NMT2: variants seen among roughly 807,000 people sequenced by gnomAD.
The protein encoded by NMT2 is N-myristoyltransferase 2.
In NMT2, 35 loss-of-function variants were observed where a neutral mutation model predicts 65.4. That is an observed-to-expected ratio of 0.54 (90% CI 0.41 to 0.71). The LOEUF is 0.71. Among genes scored for constraint, NMT2 ranks in the 30% least tolerant of loss-of-function variants. The pLI, the probability that NMT2 is intolerant of heterozygous loss-of-function variation, is 0.00. For synonymous variants in NMT2, 226 were observed against 231.8 expected, an observed-to-expected ratio of 0.98 and a Z score of 0.23; for missense variants, 489 against 611.3, an observed-to-expected ratio of 0.80 and a Z score of 2.11.
intron 1 of NMT2, among the ~76,000 whole-genome samples, chr10:15,151,212 C>A (rs867898757): frequency 6.6e-6 from 1 of 152,120 alleles, no homozygotes; most frequent in African/African-American, 2.4e-5. Context: ...GCATGCGCCA[C>A]CATGCTGGCT....
At chr10:15,150,532 T>C (rs902764771) in intron 1 of NMT2, among the ~76,000 whole-genome samples, 50 of 152,280 alleles carry the variant, frequency 3.3e-4, no homozygotes, top group Non-Finnish European at 6.9e-4. Flanking sequence ...CTTCAACCCA[T>C]ACTTAGTGTG....
intron 3 of NMT2, among the ~76,000 whole-genome samples, chr10:15,134,709 C>T (rs534830725): frequency 6.6e-5 from 10 of 152,194 alleles, no homozygotes; most frequent in East Asian, 1.9e-4. Flanking sequence ...GGGCTAGGTG[C>T]GGTGGCTCAC....
rs1845417875 is a variant in NMT2 at position 15,109,144 on chromosome 10, T to C, written c.*51A>G. On this transcript the variant is annotated 3_prime_UTR_variant, in exon 12 of 12. Transcript: ENST00000378165. The stretch of plus-strand genomic sequence containing the variant: ...TTTGGAATGGCAGTTCCAGAAATCA[T>C]TAAATATTAACAAATGATGATGTCA... 6.3e-7 allele frequency: 1 copy of C among 1,596,016 alleles called. No homozygotes were observed. Among genetic ancestry groups the C allele is most frequent in the Non-Finnish European group, 8.5e-7 (1 of 1,174,802 alleles).
At position 15,136,303 on chromosome 10, in the gene NMT2, GGA is replaced by G. The variant is rs898586759; in HGVS notation, c.247-887_247-886del. ...AGGGAAAGGAGGGAGAGAGAGAGAA[GGA>G]GAGAGAAAGAGAAAGGGAGAGAGAC... On this transcript the variant is annotated intron_variant, in intron 2 of 11. Transcript: ENST00000378165. Among the ~76,000 whole-genome samples the G allele has an allele frequency of 2.3e-4, 33 of 146,540 alleles. 1 individual carries two copies. Among genetic ancestry groups the G allele is most frequent in the Non-Finnish European group, 5.0e-4 (33 of 66,484 alleles).
chr10:15,111,100 G>C (rs1845497355), intron 10 of NMT2, among the ~76,000 whole-genome samples: 1 of 151,994 alleles, frequency 6.6e-6, no homozygotes, highest in Admixed American at 6.5e-5. Context: ...CCTCGTTCTT[G>C]TTTTAGAAGG....
chr10:15,119,317 C>G, intron 9 of NMT2, 26 bp downstream of exon 9: 2 of 1,609,450 alleles, frequency 1.2e-6, no homozygotes, highest in Non-Finnish European at 1.7e-6. Context: ...CAAGGAGAAG[C>G]TTTATGTTTA....
chr10:15,112,780 G>C lies in NMT2; in HGVS notation c.1338+16C>G. On this transcript the variant is annotated intron_variant, in intron 10 of 11. Transcript: ENST00000378165. ...TTTGGAGAACCAAACGGCGTGAACA[G>C]GAAGGAGTGGCTTACCGATTTAGCC... The C allele has an allele frequency of 1.2e-6, 2 of 1,602,326 alleles. No homozygotes were observed. Among genetic ancestry groups the C allele is most frequent in the South Asian group, 2.2e-5 (2 of 90,122 alleles).
At chr10:15,112,175 T>A (rs541842173) in intron 10 of NMT2, among the ~76,000 whole-genome samples, 105 of 6,810 alleles carry the variant, frequency 0.015, 2 homozygotes, top group Admixed American at 0.05. Flanking sequence ...ATATGGGCTT[T>A]ATATATATAT....
chr10:15,162,805 A>G (rs1268171654), intron 1 of NMT2, among the ~76,000 whole-genome samples: 1 of 147,638 alleles, frequency 6.8e-6, no homozygotes, highest in Non-Finnish European at 1.5e-5. Context: ...TATGTATTTG[A>G]TATTATATAT....
At chr10:15,135,232 C>G (rs1846437789) in intron 3 of NMT2, 42 bp downstream of exon 3, 1 of 1,602,162 alleles carries the variant, frequency 6.2e-7, no homozygotes, top group African/African-American at 1.3e-5. Context: ...GTTCATCCAG[C>G]TTTGTTTGTG....
At position 15,165,617 on chromosome 10, in the gene NMT2, C is replaced by T. The variant is rs977515857; in HGVS notation, c.110+2886G>A. 4.6e-5 allele frequency among the ~76,000 whole-genome samples: 7 copies of T among 152,144 alleles called. No homozygotes were observed. The East Asian group carries it at 1.3e-3, about 29-fold the overall frequency. On this transcript the variant is annotated intron_variant, in intron 1 of 11. Coordinates refer to ENST00000378165, the MANE Select transcript of NMT2 (RefSeq NM_004808.3). The stretch of plus-strand genomic sequence containing the variant: ...ATTTAACTCTTTACACTGGCTTACA[C>T]CTGTAATCCCAGCACTTTGGGAGGC...
At chr10:15,117,674 A>C (rs1564561967) in intron 9 of NMT2, among the ~76,000 whole-genome samples, 1 of 152,166 alleles carries the variant, frequency 6.6e-6, no homozygotes, top group Non-Finnish European at 1.5e-5. Flanking sequence ...TCCTGGAACC[A>C]GTAAGTGATT....
intron 3 of NMT2, 60 bp from the exon 4 acceptor site, chr10:15,133,423 G>A (rs1846358148): frequency 1.5e-6 from 2 of 1,318,952 alleles, no homozygotes; most frequent in South Asian, 2.3e-5. Flanking sequence ...AAATGACAAA[G>A]TATTCTAACC....
At chr10:15,125,489 C>A (rs1393451707) in intron 8 of NMT2, among the ~76,000 whole-genome samples, 1 of 152,172 alleles carries the variant, frequency 6.6e-6, no homozygotes, top group Non-Finnish European at 1.5e-5. Context: ...TTCTTCACTC[C>A]ATTGTAGGCA....
intron 10 of NMT2, 90 bp from the exon 11 acceptor site, chr10:15,109,929 C>T (rs989823044): frequency 1.7e-5 from 17 of 1,023,224 alleles, no homozygotes; most frequent in South Asian, 1.3e-4. Flanking sequence ...ACTAATAGCT[C>T]GAATATGCAT....
intron 2 of NMT2, 68 bp downstream of exon 2, chr10:15,141,354 G>C (rs980519150): frequency 6.3e-7 from 1 of 1,582,546 alleles, no homozygotes; most frequent in African/African-American, 1.4e-5. Context: ...GCAGCAGCGC[G>C]CTAAACTGCG....
At chr10:15,155,535 GTTTTTTTTTTTTT>G (rs71390015) in intron 1 of NMT2, among the ~76,000 whole-genome samples, 900 of 59,470 alleles carry the variant, frequency 0.015, 17 homozygotes, top group African/African-American at 0.056. Context: ...TGCCGGGCTA[GTTTTTTTTTTTTT>G]TTTTTTTTTT....
intron 7 of NMT2, among the ~76,000 whole-genome samples, chr10:15,129,620 T>C (rs1367779803): frequency 6.6e-6 from 1 of 152,208 alleles, no homozygotes; most frequent in Admixed American, 6.5e-5. Context: ...AAGATCATCA[T>C]GTCCTAGGTT....
At chr10:15,146,516 C>T (rs1242158046) in intron 1 of NMT2, among the ~76,000 whole-genome samples, 1 of 152,186 alleles carries the variant, frequency 6.6e-6, no homozygotes, top group African/African-American at 2.4e-5. Flanking sequence ...GTGTCACTTC[C>T]TGCTGCCCAG....
Sources: allele counts gnomAD v4.1 joint callset (sites outside exome capture counted in the v4.1 genomes callset), GRCh38; gene constraint gnomAD v4.1.1; transcripts MANE v1.5; gene names NCBI Gene and HGNC (gene_info 2026-07-23, HGNC 2026-07-21).